The following GCSH variants were observed in gnomAD, a reference collection of about 807,000 sequenced individuals.
The protein encoded by GCSH is glycine cleavage system H protein, mitochondrial.
GCSH carries 15 observed loss-of-function variants against 21.3 expected under a neutral mutation model. The ratio of observed to expected loss-of-function variants is 0.70; its 90% CI spans 0.47 to 1.08. The LOEUF is 1.08. Among genes scored for constraint, GCSH ranks in the 50% least tolerant of loss-of-function variants. The pLI, the probability that GCSH is intolerant of heterozygous loss-of-function variation, is 0.00. For synonymous variants in GCSH, 59 were observed against 84.5 expected, an observed-to-expected ratio of 0.70 and a Z score of 1.66; for missense variants, 179 against 217.5, an observed-to-expected ratio of 0.82 and a Z score of 1.11.
chr16:81,096,227 C>T lies in GCSH; in HGVS notation c.52G>A (p.Ala18Thr). ...SVRALLCTLRAVPSPAAPCPP... is the reference protein window; with the variant it reads ...SVRALLCTLRTVPSPAAPCPP... ...CAGGGCGCGGCGGGTGACGGGACCG[C>T]GCGCAGGGTGCAGAGCAGGGCCCGC... The change falls in exon 1 of 5, where the codon GCG becomes ACG. Residue 18 changes from alanine (A) to threonine (T), a missense_variant. By Grantham distance (58) the Ala-to-Thr change is moderately conservative (BLOSUM62 0). Transcript: ENST00000315467. 1.5e-6 allele frequency: 2 copies of T among 1,316,220 alleles called. No individual in the cohort carries two copies. Among genetic ancestry groups the T allele is most frequent in the Non-Finnish European group, 9.6e-7 (1 of 1,038,154 alleles). 81.5% of individuals were successfully genotyped at this position (1,316,220 alleles called of 1,614,324 possible).
At chr16:81,094,755 A>G (rs5023850) in intron 1 of GCSH, among the ~76,000 whole-genome samples, 3 of 151,428 alleles carry the variant, frequency 2.0e-5, no homozygotes, top group African/African-American at 7.3e-5. Context: ...TCACTGATCT[A>G]CGCAATCGAA....
At position 81,096,288 on chromosome 16, in the gene GCSH, G is replaced by C. The variant is rs549736111; in HGVS notation, c.-10C>G. ...CCACTCGCAGCGCCATGTTCGCAGG[G>C]GTGCGGGGGTCGCAGCGCTACGCCT... On this transcript the variant is annotated 5_prime_UTR_variant, in exon 1 of 5. Coordinates refer to ENST00000315467, the MANE Select transcript of GCSH (RefSeq NM_004483.5). 8 of 1,366,226 alleles carry C rather than the reference G, an allele frequency of 5.9e-6. No individual in the cohort carries two copies. The African/African-American group carries it at 7.6e-5, about 13-fold the overall frequency. 84.6% of individuals were successfully genotyped at this position (1,366,226 alleles called of 1,614,324 possible).
Position 81,087,592 on chromosome 16 carries a change from A to C in GCSH, c.292+9T>G, listed in dbSNP as rs8177909. ...GCATGGATCATTCTAAGATCCTAAGAACACTCACCTTGTTTGTTCAATTTT... is the reference window on the plus strand; with the variant it reads ...GCATGGATCATTCTAAGATCCTAAGCACACTCACCTTGTTTGTTCAATTTT... On this transcript the variant is annotated intron_variant, in intron 3 of 4. Transcript: ENST00000315467. 1,525 of 1,572,096 alleles carry C rather than the reference A, an allele frequency of 9.7e-4. 15 individuals carry two copies. The African/African-American group carries it at 0.018, about 19-fold the overall frequency.
intron 2 of GCSH, among the ~76,000 whole-genome samples, chr16:81,088,941 C>G (rs1291357429): frequency 6.6e-6 from 1 of 152,150 alleles, no homozygotes; most frequent in African/African-American, 2.4e-5. Context: ...AAGTCATTCT[C>G]ATGTAGGTAA....
intron 1 of GCSH, among the ~76,000 whole-genome samples, chr16:81,092,547 C>G (rs750738546): frequency 6.6e-6 from 1 of 151,154 alleles, no homozygotes; most frequent in East Asian, 2.0e-4. Flanking sequence ...TTGAGACCAG[C>G]CTGGCCAGCA....
At chr16:81,091,232 C>A (rs1007938605) in intron 1 of GCSH, 2 of 372,812 alleles carry the variant, frequency 5.4e-6, no homozygotes, top group African/African-American at 2.2e-5. Flanking sequence ...CCTGGAACAA[C>A]TATAATTTGA....
intron 1 of GCSH, among the ~76,000 whole-genome samples, chr16:81,092,764 T>A (rs930969514): frequency 2.6e-5 from 4 of 151,500 alleles, no homozygotes; most frequent in African/African-American, 9.7e-5. Flanking sequence ...ACAAAAAAAA[T>A]CCCTGGGCGT....
At chr16:81,083,148 T>C (rs1190444200) in intron 4 of GCSH, 185 bp from the exon 5 acceptor site, 3 of 605,928 alleles carry the variant, frequency 5.0e-6, no homozygotes, top group African/African-American at 3.9e-5. Context: ...CAAATGAAAA[T>C]AATTATGGCT....
chr16:81,093,993 C>T (rs972737840), intron 1 of GCSH, among the ~76,000 whole-genome samples: 1 of 151,896 alleles, frequency 6.6e-6, no homozygotes, highest in Non-Finnish European at 1.5e-5. Context: ...CCTCTGCCTC[C>T]CGGGTTCAAG....
intron 1 of GCSH, chr16:81,091,027 T>A: frequency 2.2e-6 from 1 of 447,160 alleles, no homozygotes; most frequent in South Asian, 1.7e-5. Flanking sequence ...GAAAAAAAAA[T>A]CTGTGCCTCT....
At chr16:81,093,345 T>A (rs191465348) in intron 1 of GCSH, among the ~76,000 whole-genome samples, 3 of 152,144 alleles carry the variant, frequency 2.0e-5, no homozygotes, top group African/African-American at 7.2e-5. Context: ...CTACCTTCTT[T>A]GACCTTGCCA....
rs1366584223 is a variant in GCSH at position 81,090,649 on chromosome 16, T to C, written c.180A>G (p.Val60=). 5.0e-6 allele frequency: 8 copies of C among 1,613,018 alleles called. No homozygotes were observed. Among genetic ancestry groups the C allele is most frequent in the Admixed American group, 1.7e-5 (1 of 59,982 alleles). ...VRKFTEKHEW[V]TTENGIGTVG... is the part of the protein sequence containing the mutation. Reference sequence around the variant, plus strand: ...CTGTTCCAATGCCATTTTCTGTTGTTACCCATTCGTGTTTCTCTGTGAATT... The same window carrying C: ...CTGTTCCAATGCCATTTTCTGTTGTCACCCATTCGTGTTTCTCTGTGAATT... The change falls in exon 2 of 5, where the codon GTA becomes GTG. Residue 60 remains valine, a synonymous_variant. Coordinates refer to ENST00000315467, the MANE Select transcript of GCSH (RefSeq NM_004483.5).
chr16:81,096,059 G>C, intron 1 of GCSH, 72 bp downstream of exon 1: 2 of 1,182,688 alleles, frequency 1.7e-6, no homozygotes, highest in African/African-American at 3.2e-5. Flanking sequence ...GGCGTCCTCC[G>C]TGTCCCGCTG....
At chr16:81,090,889 C>G (rs8177873) in intron 1 of GCSH, 9,005 of 625,672 alleles carry the variant, frequency 0.014, 356 homozygotes, top group African/African-American at 0.11. Flanking sequence ...AAGATGGCTT[C>G]ATCTGAACAC....
At chr16:81,094,072 G>GT (rs1214964068) in intron 1 of GCSH, among the ~76,000 whole-genome samples, 2 of 151,796 alleles carry the variant, frequency 1.3e-5, no homozygotes, top group Non-Finnish European at 2.9e-5. Context: ...CTAATTTTTT[G>GT]TATTTTTGGT....
At chr16:81,094,667 C>T (rs1972463692) in intron 1 of GCSH, among the ~76,000 whole-genome samples, 1 of 152,126 alleles carries the variant, frequency 6.6e-6, no homozygotes, top group African/African-American at 2.4e-5. Flanking sequence ...CTTTATGCTA[C>T]AAATTTTGGA....
At chr16:81,096,039 G>T (rs1203373444) in intron 1 of GCSH, 92 bp downstream of exon 1, 5 of 1,085,200 alleles carry the variant, frequency 4.6e-6, no homozygotes, top group Middle Eastern at 3.4e-4. Flanking sequence ...TGGCTCAGGA[G>T]CGGTGCCCCG....
At chr16:81,083,751 A>T (rs1178813411) in intron 4 of GCSH, 1 of 152,372 alleles carries the variant, frequency 6.6e-6, no homozygotes, top group Non-Finnish European at 1.5e-5. Flanking sequence ...TACAAAATAG[A>T]GAAAATTGCT....
chr16:81,095,777 T>C (rs1325174350), intron 1 of GCSH, among the ~76,000 whole-genome samples: 1 of 151,932 alleles, frequency 6.6e-6, no homozygotes, highest in African/African-American at 2.4e-5. Flanking sequence ...AGATGGGAGA[T>C]AAACTTAAGG....
Sources: allele counts gnomAD v4.1 joint callset (sites outside exome capture counted in the v4.1 genomes callset), GRCh38; gene constraint gnomAD v4.1.1; transcripts MANE v1.5; gene names NCBI Gene and HGNC (gene_info 2026-07-23, HGNC 2026-07-21).